Variants in RCL1 observed in about 807,000 individuals in gnomAD.
RCL1 encodes RNA terminal phosphate cyclase like 1, also known as RNA 3'-terminal phosphate cyclase-like protein.
A neutral mutation model predicts 42.4 loss-of-function variants in RCL1; 24 were observed. That is an observed-to-expected ratio of 0.57 (90% CI 0.41 to 0.80). RCL1 has a LOEUF of 0.80. Ranked by LOEUF, RCL1 falls within the 30% of genes least tolerant of loss-of-function variation. The pLI is 0.00. For missense variants in RCL1, 578 were observed against 467.9 expected, an observed-to-expected ratio of 1.24 and a Z score of -2.17; for synonymous variants, 228 against 177.3, an observed-to-expected ratio of 1.29 and a Z score of -2.27.
chr9:4,839,212 C>G (rs1032433781), intron 5 of RCL1, among the ~76,000 whole-genome samples: 3 of 152,170 alleles, frequency 2.0e-5, no homozygotes, highest in Non-Finnish European at 4.4e-5. Context: ...TGCCTGAGTT[C>G]TAGTATAGGA....
chr9:4,830,053 C>A (rs533213656), intron 3 of RCL1, among the ~76,000 whole-genome samples: 1 of 152,274 alleles, frequency 6.6e-6, no homozygotes, highest in South Asian at 2.1e-4. Flanking sequence ...GACAGAGTGA[C>A]TGTGGAGATA....
At chr9:4,816,300 A>G (rs995071846) in intron 1 of RCL1, among the ~76,000 whole-genome samples, 15 of 152,210 alleles carry the variant, frequency 9.9e-5, no homozygotes, top group Admixed American at 8.5e-4. Context: ...CTTTCAGTGT[A>G]GTCTTTTGAT....
intron 1 of RCL1, among the ~76,000 whole-genome samples, chr9:4,797,486 G>T (rs1386441673): frequency 1.3e-5 from 2 of 152,204 alleles, no homozygotes; most frequent in Non-Finnish European, 2.9e-5. Flanking sequence ...CTTTTGTTCA[G>T]TGGGGGACAT....
intron 8 of RCL1, among the ~76,000 whole-genome samples, chr9:4,855,372 C>G (rs912461469): frequency 8.1e-5 from 12 of 148,858 alleles, no homozygotes; most frequent in African/African-American, 2.7e-4. Flanking sequence ...GTCTCTTTGC[C>G]CTGGGTGTGT....
chr9:4,816,001 A>G (rs140447596), intron 1 of RCL1, among the ~76,000 whole-genome samples: 24 of 152,170 alleles, frequency 1.6e-4, no homozygotes, highest in African/African-American at 5.8e-4. Context: ...TTTCTTTTAT[A>G]AACTCTTCTG....
In RCL1 at chr9:4,849,168, A is replaced by AT. The variant is rs34569485; in HGVS notation, c.868-264dup. ...GCTTTAATGATAAAGGGAAAGTTTC[A>AT]TTTTTTTTTTTTTTTACTAGATTCA... On this transcript the variant is annotated intron_variant, in intron 7 of 8. Transcript: ENST00000381750. Among the ~76,000 whole-genome samples the AT allele has an allele frequency of 9.5e-4, 136 of 143,254 alleles. No homozygotes were observed. In the Middle Eastern group the frequency reaches 0.014, roughly 15 times the overall value. The allele number at this position is 143,254 out of a possible 152,430, so 94.0% of individuals were successfully genotyped here. A position where few individuals can be genotyped will look rare whatever the true frequency, so the allele number is the denominator to read the frequency against.
chr9:4,823,084 C>G (rs763133397), intron 1 of RCL1, among the ~76,000 whole-genome samples: 1 of 152,232 alleles, frequency 6.6e-6, no homozygotes, highest in East Asian at 1.9e-4. Flanking sequence ...CTCTTACTGT[C>G]TCTGAGACTG....
intron 1 of RCL1, among the ~76,000 whole-genome samples, chr9:4,814,268 G>A (rs1018473651): frequency 3.8e-5 from 5 of 130,858 alleles, no homozygotes; most frequent in African/African-American, 1.3e-4. Flanking sequence ...TTTTTATCAT[G>A]AGGGGGTTTT....
rs1457466790 is a variant in RCL1 at position 4,793,292 on chromosome 9, TG to T, written c.136+70del. 7.3e-6 allele frequency: 11 copies of T among 1,496,996 alleles called. No individual in the cohort carries two copies. The Admixed American group carries it at 2.3e-4, about 32-fold the overall frequency. The allele number at this position is 1,496,996 out of a possible 1,614,324, so 92.7% of individuals were successfully genotyped here. ...CTGAGGGGAGACCGAGCTGATGCCGTGGGGGCCCGCGCGGTGTTGGTTGGGC... is the reference window on the plus strand; with the variant it reads ...CTGAGGGGAGACCGAGCTGATGCCGTGGGGCCCGCGCGGTGTTGGTTGGGC... On this transcript the variant is annotated intron_variant, in intron 1 of 8. Coordinates refer to ENST00000381750, the MANE Select transcript of RCL1 (RefSeq NM_005772.5).
At chr9:4,828,951 G>A (rs1475116017) in intron 3 of RCL1, among the ~76,000 whole-genome samples, 1 of 152,154 alleles carries the variant, frequency 6.6e-6, no homozygotes, top group Non-Finnish European at 1.5e-5. Context: ...AATAAAGAGT[G>A]ACTTCTTCAG....
At chr9:4,806,046 T>TTTG (rs1563830212) in intron 1 of RCL1, among the ~76,000 whole-genome samples, 7 of 71,336 alleles carry the variant, frequency 9.8e-5, no homozygotes, top group East Asian at 2.9e-4. Context: ...GTGTGTGTGT[T>TTTG]TGTGTGTGTG....
At chr9:4,837,391 C>T (rs1211864854) in intron 5 of RCL1, among the ~76,000 whole-genome samples, 3 of 152,020 alleles carry the variant, frequency 2.0e-5, no homozygotes, top group African/African-American at 4.8e-5. Context: ...CAATACATTC[C>T]AATAAGTGTA....
At chr9:4,816,847 C>T (rs1385361492) in intron 1 of RCL1, among the ~76,000 whole-genome samples, 1 of 152,048 alleles carries the variant, frequency 6.6e-6, no homozygotes, top group African/African-American at 2.4e-5. Flanking sequence ...GATGGAGTCT[C>T]GCTCTGTCGT....
chr9:4,821,860 A>G (rs1816607390), intron 1 of RCL1, among the ~76,000 whole-genome samples: 1 of 152,232 alleles, frequency 6.6e-6, no homozygotes, highest in Non-Finnish European at 1.5e-5. Context: ...ATCTATTCAT[A>G]AGGCCAGAGC....
At chr9:4,846,016 T>G (rs1407345847) in intron 7 of RCL1, among the ~76,000 whole-genome samples, 3 of 152,218 alleles carry the variant, frequency 2.0e-5, no homozygotes, top group African/African-American at 7.2e-5. Flanking sequence ...TTTTAATTCT[T>G]CCTTTTGCCA....
At chr9:4,840,424 A>G (rs1817278977) in intron 5 of RCL1, among the ~76,000 whole-genome samples, 1 of 152,102 alleles carries the variant, frequency 6.6e-6, no homozygotes, top group African/African-American at 2.4e-5. Context: ...TTTCTTTGAC[A>G]TGTGTGGTTG....
chr9:4,797,748 A>G (rs985149644), intron 1 of RCL1, among the ~76,000 whole-genome samples: 5 of 152,168 alleles, frequency 3.3e-5, no homozygotes, highest in African/African-American at 1.2e-4. Context: ...CACCAAGAAG[A>G]CTACACAAGG....
chr9:4,839,279 G>A (rs1181198690), intron 5 of RCL1, among the ~76,000 whole-genome samples: 1 of 152,192 alleles, frequency 6.6e-6, no homozygotes, highest in Admixed American at 6.5e-5. Context: ...GTATTGGGAT[G>A]GGTGAGAGGA....
intron 2 of RCL1, 95 bp from the exon 3 acceptor site, chr9:4,826,763 G>A (rs1754665343): frequency 8.9e-7 from 1 of 1,121,534 alleles, no homozygotes; most frequent in Non-Finnish European, 1.3e-6. Flanking sequence ...GGATGCCCTT[G>A]TCAGGCTTTC....
Sources: allele counts gnomAD v4.1 joint callset (sites outside exome capture counted in the v4.1 genomes callset), GRCh38; gene constraint gnomAD v4.1.1; transcripts MANE v1.5; gene names NCBI Gene and HGNC (gene_info 2026-07-23, HGNC 2026-07-21).